Variants in F13B observed in about 807,000 individuals in gnomAD.
F13B encodes the protein TGase.
Under a neutral mutation model 79.8 loss-of-function variants are expected in F13B, and 58 were observed. That is an observed-to-expected ratio of 0.73 (90% CI 0.59 to 0.90). The LOEUF (loss-of-function observed/expected upper bound fraction) is 0.90. Ranked by LOEUF, F13B falls within the 40% of genes least tolerant of loss-of-function variation. The pLI is 0.00. For synonymous variants in F13B, 283 were observed against 260.3 expected (o/e 1.09, Z -0.84); for missense variants, 773 against 777.0 (o/e 0.99, Z 0.06).
In F13B at chr1:197,052,698, T is replaced by C; in HGVS notation, c.1491A>G (p.Pro497=). The change falls in exon 9 of 12, where the codon CCA becomes CCG. Residue 497 remains proline, a synonymous_variant. Coordinates refer to ENST00000367412, the MANE Select transcript of F13B (RefSeq NM_001994.3). The part of the protein sequence containing the change: ...KQGYDLSPLT[P]LSELSVQCNR... ...TGCACTGCACAGATAATTCAGACAA[T>C]GGGGTTAATGGAGATAAGTCATATC... 2.5e-6 allele frequency: 4 copies of C among 1,612,134 alleles called. No individual in the cohort carries two copies. Among genetic ancestry groups the C allele is most frequent in the Middle Eastern group, 1.7e-4 (1 of 5,898 alleles).
chr1:197,048,376 T>G (rs2125060273), intron 10 of F13B, among the ~76,000 whole-genome samples: 1 of 151,920 alleles, frequency 6.6e-6, no homozygotes, highest in Middle Eastern at 3.4e-3. Flanking sequence ...AGGTATATAT[T>G]GCTTATAAGA....
chr1:197,064,630 G>A (rs1462359181), intron 1 of F13B, among the ~76,000 whole-genome samples: 1 of 152,020 alleles, frequency 6.6e-6, no homozygotes, highest in Non-Finnish European at 1.5e-5. Flanking sequence ...TATTTCTGGG[G>A]TACTATCACT....
At chr1:197,049,026 G>C (rs1359318706) in intron 10 of F13B, among the ~76,000 whole-genome samples, 1 of 151,904 alleles carries the variant, frequency 6.6e-6, no homozygotes, top group Non-Finnish European at 1.5e-5. Flanking sequence ...TCAGAGCACA[G>C]AGAATATATC....
At chr1:197,058,399 T>A (rs1261990460) in intron 5 of F13B, among the ~76,000 whole-genome samples, 3 of 152,132 alleles carry the variant, frequency 2.0e-5, no homozygotes, top group Non-Finnish European at 2.9e-5. Context: ...CCTCCTACAG[T>A]CCTAGAGGCC....
At chr1:197,045,245 A>G (rs941803157) in intron 10 of F13B, among the ~76,000 whole-genome samples, 1 of 152,192 alleles carries the variant, frequency 6.6e-6, no homozygotes, top group Non-Finnish European at 1.5e-5. Flanking sequence ...AAAGATAAAC[A>G]AACTACATAG....
chr1:197,060,580 T>C lies in F13B; in HGVS notation c.629-38A>G, dbSNP rs746119414. ...GAATGAATAAAATTACAAACAAATG[T>C]TTATTTTTTCTGCTACAACAAAATG... is the stretch of plus-strand genomic sequence containing the variant. On this transcript the variant is annotated intron_variant, in intron 4 of 11. Coordinates refer to ENST00000367412, the MANE Select transcript of F13B (RefSeq NM_001994.3). 10 of 1,430,862 alleles carry C rather than the reference T, an allele frequency of 7.0e-6. No individual in the cohort carries two copies. In the South Asian group the frequency reaches 1.1e-4, roughly 16 times the overall value. 88.6% of individuals were successfully genotyped at this position (1,430,862 alleles called of 1,614,324 possible). A position where few individuals can be genotyped will look rare whatever the true frequency, so the allele number is the denominator to read the frequency against.
At chr1:197,058,005 A>G (rs17514591) in intron 5 of F13B, among the ~76,000 whole-genome samples, 2,295 of 152,272 alleles carry the variant, frequency 0.015, 53 homozygotes, top group African/African-American at 0.049. Context: ...CAGCTTTGAT[A>G]GCCATCGATG....
In F13B at chr1:197,063,002, A is replaced by G. The variant is rs763673121; in HGVS notation, c.120T>C (p.Tyr40=). 34 of 1,613,410 alleles carry G rather than the reference A, an allele frequency of 2.1e-5. No homozygotes were observed. The Admixed American group carries it at 2.8e-4, about 13-fold the overall frequency. The stretch of plus-strand genomic sequence containing the variant: ...TTGGAAAGTAAAAGCTTTTAAAAGT[A>G]TAGTAATATTGGGCAATTCTTCCAT... ...VENGRIAQYY[Y]TFKSFYFPMS... The change falls in exon 2 of 12, where the codon TAT becomes TAC. Residue 40 remains tyrosine, a synonymous_variant. Transcript: ENST00000367412.
In F13B at chr1:197,052,139, G is replaced by C. The variant is rs371263371; in HGVS notation, c.1555+495C>G. On this transcript the variant is annotated intron_variant, in intron 9 of 11. Transcript: ENST00000367412. Reference sequence around the variant, plus strand: ...ATGGTATTGCCTAGGTTTTCTTCTAGAGTTTTTATGGTTTGGGGTTTTTAC... The same window carrying C: ...ATGGTATTGCCTAGGTTTTCTTCTACAGTTTTTATGGTTTGGGGTTTTTAC... Among the ~76,000 whole-genome samples the C allele has an allele frequency of 7.2e-5, 11 of 152,090 alleles. No individual in the cohort carries two copies. The South Asian group carries it at 1.0e-3, about 14-fold the overall frequency.
chr1:197,061,128 T>C (rs1655846646), intron 3 of F13B, 53 bp from the exon 4 acceptor site: 4 of 913,720 alleles, frequency 4.4e-6, no homozygotes, highest in South Asian at 4.1e-5. Context: ...ACCTAGATTA[T>C]AAAAAATCTC....
At chr1:197,054,993 A>G (rs1259348578) in intron 8 of F13B, among the ~76,000 whole-genome samples, 1 of 152,086 alleles carries the variant, frequency 6.6e-6, no homozygotes, top group Non-Finnish European at 1.5e-5. Flanking sequence ...ATCCATCAAT[A>G]AACTGGTTAA....
intron 10 of F13B, among the ~76,000 whole-genome samples, chr1:197,046,288 CCTT>C (rs1655227497): frequency 6.6e-6 from 1 of 152,148 alleles, no homozygotes; most frequent in Non-Finnish European, 1.5e-5. Context: ...CCCAAAATCT[CCTT>C]AAGCTGATAA....
chr1:197,065,547 A>G (rs1410148811), intron 1 of F13B, among the ~76,000 whole-genome samples: 1 of 152,164 alleles, frequency 6.6e-6, no homozygotes, highest in Non-Finnish European at 1.5e-5. Flanking sequence ...TGTTGGTGAG[A>G]ATGATGAGGA....
intron 1 of F13B, among the ~76,000 whole-genome samples, chr1:197,066,744 C>A (rs1656063333): frequency 2.0e-5 from 3 of 152,076 alleles, no homozygotes; most frequent in Admixed American, 1.3e-4. Flanking sequence ...ATTTCCTTTT[C>A]AAATTTCCCA....
chr1:197,049,285 T>C (rs1241343095), intron 10 of F13B, among the ~76,000 whole-genome samples: 1 of 151,914 alleles, frequency 6.6e-6, no homozygotes, highest in East Asian at 1.9e-4. Flanking sequence ...ATTAATAAAA[T>C]AGAAAGCAAA....
intron 10 of F13B, among the ~76,000 whole-genome samples, chr1:197,049,993 G>A (rs948938891): frequency 2.6e-5 from 4 of 151,642 alleles, no homozygotes; most frequent in African/African-American, 4.8e-5. Context: ...AAATACTTTC[G>A]GCAAAATAGA....
intron 1 of F13B, among the ~76,000 whole-genome samples, chr1:197,064,076 T>C (rs1388318871): frequency 6.6e-6 from 1 of 152,114 alleles, no homozygotes; most frequent in Non-Finnish European, 1.5e-5. Context: ...TTACTAGTCA[T>C]CAGGGAAATG....
At chr1:197,049,339 C>A (rs944793688) in intron 10 of F13B, among the ~76,000 whole-genome samples, 1 of 151,746 alleles carries the variant, frequency 6.6e-6, no homozygotes, top group Admixed American at 6.6e-5. Flanking sequence ...TTTGAAAACA[C>A]TAATAAAATG....
chr1:197,040,186 G>A (rs1051023998), intron 11 of F13B: 1 of 235,660 alleles, frequency 4.2e-6, no homozygotes, highest in Non-Finnish European at 8.3e-6. Flanking sequence ...TTGAGAAGTA[G>A]GAGAAAGTGT....
Sources: allele counts gnomAD v4.1 joint callset (sites outside exome capture counted in the v4.1 genomes callset), GRCh38; gene constraint gnomAD v4.1.1; transcripts MANE v1.5; gene names NCBI Gene and HGNC (gene_info 2026-07-23, HGNC 2026-07-21).